Variants in KAZN observed in about 807,000 individuals in gnomAD.
KAZN encodes kazrin.
KAZN carries 40 observed loss-of-function variants against 87.4 expected under a neutral mutation model. The ratio of observed to expected loss-of-function variants is 0.46; its 90% CI spans 0.36 to 0.60. KAZN has a LOEUF of 0.60. Ranked by LOEUF, KAZN falls within the 20% of genes least tolerant of loss-of-function variation. KAZN has a pLI of 0.00. For synonymous variants in KAZN, 466 were observed against 458.3 expected (o/e 1.02, Z -0.22); for missense variants, 898 against 1,073.9 (o/e 0.84, Z 2.29).
chr1:14,245,764 T>C (rs1172560303), intron 2 of KAZN, among the ~76,000 whole-genome samples: 2 of 152,182 alleles, frequency 1.3e-5, no homozygotes, highest in African/African-American at 4.8e-5. Context: ...TTTTTATTCA[T>C]TGCTAAGTTG....
At chr1:14,648,848 C>T (rs577772464) in intron 1 of KAZN, among the ~76,000 whole-genome samples, 19 of 152,296 alleles carry the variant, frequency 1.2e-4, no homozygotes, top group African/African-American at 3.8e-4. Flanking sequence ...CTGCAAATGG[C>T]TATGGTCACT....
At chr1:14,766,602 T>G (rs1217549310) in intron 1 of KAZN, among the ~76,000 whole-genome samples, 1 of 148,004 alleles carries the variant, frequency 6.8e-6, no homozygotes, top group African/African-American at 2.5e-5. Flanking sequence ...GTTCCGCATG[T>G]TAACTGAGCA....
chr1:14,264,268 A>G (rs771586631), intron 2 of KAZN, among the ~76,000 whole-genome samples: 35 of 152,210 alleles, frequency 2.3e-4, no homozygotes, highest in Middle Eastern at 3.4e-3. Flanking sequence ...TGAAGTCTCC[A>G]TTTCTTTGGT....
intron 1 of KAZN, among the ~76,000 whole-genome samples, chr1:14,738,138 A>G (rs1486573767): frequency 1.3e-5 from 2 of 152,122 alleles, no homozygotes; most frequent in East Asian, 1.9e-4. Context: ...TGGGCCCCAC[A>G]CCATGCACCC....
intron 1 of KAZN, among the ~76,000 whole-genome samples, chr1:13,997,992 C>G (rs140542665): frequency 2.0e-5 from 3 of 152,006 alleles, no homozygotes; most frequent in Admixed American, 2.0e-4. Context: ...GCCAGGTCAC[C>G]GACAAAGGGA....
rs111284224 is a variant in KAZN, at chr1:15,048,613, T to C, written c.726+4454T>C. ...TCCTGGGTCGTCGGTCCTGGGTCGC[T>C]GGTCCTGGGTCGTCGGTCCTGGGTC... On this transcript the variant is annotated intron_variant, in intron 4 of 14. Transcript: ENST00000376030. Among the ~76,000 whole-genome samples the C allele has an allele frequency of 3.7e-3, 479 of 130,900 alleles. 2 individuals are homozygous for C. Among genetic ancestry groups the C allele is most frequent in the African/African-American group, 0.017 (409 of 24,078 alleles). The allele number at this position is 130,900 out of a possible 152,430, so 85.9% of individuals were successfully genotyped here.
intron 1 of KAZN, among the ~76,000 whole-genome samples, chr1:14,951,813 A>G (rs1662516761): frequency 6.6e-6 from 1 of 152,148 alleles, no homozygotes; most frequent in Admixed American, 6.5e-5. Context: ...TCCAAGGGCA[A>G]TATGATTCCT....
In KAZN at chr1:15,066,100, A is replaced by G. The variant is rs1639205042; in HGVS notation, c.1222+347A>G. On this transcript the variant is annotated intron_variant, in intron 8 of 14. Transcript: ENST00000376030. This position sits in a 1 kb window ranked among gnomAD's most constrained non-coding sequence, Gnocchi z 4.3. ...TTAATCTGGTTTATTATTTTTCTTC[A>G]GTGTTTGGTTTTTCTTTTTCTTTTT... is the stretch of plus-strand genomic sequence containing the variant. 2 of 1,130,068 alleles carry G rather than the reference A, an allele frequency of 1.8e-6. No individual in the cohort carries two copies. The highest frequency in any genetic ancestry group is 4.5e-5 in the East Asian group (1 of 22,160). The allele number at this position is 1,130,068 out of a possible 1,614,324, so 70.0% of individuals were successfully genotyped here.
intron 1 of KAZN, among the ~76,000 whole-genome samples, chr1:14,115,455 T>C (rs1303586197): frequency 1.3e-5 from 2 of 152,144 alleles, no homozygotes; most frequent in Non-Finnish European, 2.9e-5. Flanking sequence ...GATCTAATGG[T>C]TCCAAAAAGG....
intron 2 of KAZN, among the ~76,000 whole-genome samples, chr1:14,244,257 G>A (rs978396889): frequency 6.6e-6 from 1 of 152,190 alleles, no homozygotes; most frequent in Non-Finnish European, 1.5e-5. Context: ...GTGCAAGGCT[G>A]CTCCTTCTCA....
intron 2 of KAZN, among the ~76,000 whole-genome samples, chr1:14,515,379 G>C (rs959593408): frequency 6.6e-6 from 1 of 152,182 alleles, no homozygotes. Flanking sequence ...TGATACTTGC[G>C]AGGCAGTGTG....
intron 2 of KAZN, among the ~76,000 whole-genome samples, chr1:14,579,825 C>T (rs1001783955): frequency 6.6e-5 from 10 of 152,112 alleles, no homozygotes; most frequent in Non-Finnish European, 1.3e-4. Context: ...CTTAGCACTC[C>T]TGTGAAAAGG....
At chr1:14,063,517 T>C (rs1474546443) in intron 1 of KAZN, among the ~76,000 whole-genome samples, 1 of 152,158 alleles carries the variant, frequency 6.6e-6, no homozygotes, top group Non-Finnish European at 1.5e-5. Flanking sequence ...TAATCAGGTT[T>C]GGAGGGTGAT....
chr1:15,073,263 T>G (rs1639593516), intron 8 of KAZN, among the ~76,000 whole-genome samples: 1 of 152,202 alleles, frequency 6.6e-6, no homozygotes, highest in African/African-American at 2.4e-5. Context: ...AGATATCCAT[T>G]CCCAGGCCCC....
At chr1:14,629,857 A>G (rs891805029) in intron 1 of KAZN, among the ~76,000 whole-genome samples, 2 of 152,138 alleles carry the variant, frequency 1.3e-5, no homozygotes, top group Non-Finnish European at 2.9e-5. Flanking sequence ...CCCTGGGGCT[A>G]GGGCTGGAGA....
At chr1:14,270,182 C>CTT in intron 2 of KAZN, among the ~76,000 whole-genome samples, 1 of 152,194 alleles carries the variant, frequency 6.6e-6, no homozygotes. Context: ...ACTGGACTAG[C>CTT]TTGAAGCATG....
intron 1 of KAZN, among the ~76,000 whole-genome samples, chr1:14,717,800 C>T (rs1642874113): frequency 6.6e-6 from 1 of 152,192 alleles, no homozygotes; most frequent in African/African-American, 2.4e-5. Context: ...TCCTGGACCT[C>T]ACAGCTGGGC....
At chr1:14,341,419 G>A (rs1344105956) in intron 2 of KAZN, among the ~76,000 whole-genome samples, 2 of 152,124 alleles carry the variant, frequency 1.3e-5, no homozygotes, top group African/African-American at 4.8e-5. Flanking sequence ...TCAGGGTGCT[G>A]CAGTGGCTCC....
intron 4 of KAZN, among the ~76,000 whole-genome samples, chr1:15,046,362 A>ATCATCAT: frequency 6.6e-6 from 1 of 151,976 alleles, no homozygotes; most frequent in Non-Finnish European, 1.5e-5. Flanking sequence ...GAAGAAGAGG[A>ATCATCAT]TCATCATCAA....
Sources: gnomAD v4.1 joint callset for allele counts (sites outside exome capture counted in the v4.1 genomes callset) on GRCh38, gnomAD v4.1.1 for gene constraint, Gnocchi (gnomAD v3.1) non-coding constraint, MANE v1.5 for transcripts, NCBI Gene and HGNC (gene_info 2026-07-23, HGNC 2026-07-21) for gene names.